The following ROBO2 variants were observed in gnomAD, a reference collection of about 807,000 sequenced individuals.
ROBO2 encodes roundabout homolog 2.
ROBO2 carries 53 observed loss-of-function variants against 160.8 expected under a neutral mutation model. The observed-to-expected ratio is 0.33, with a 90% CI of 0.26 to 0.41. The LOEUF (loss-of-function observed/expected upper bound fraction) is 0.41. ROBO2 is among the 10% of genes least tolerant of loss of function. The pLI is 1.00. For synonymous variants in ROBO2, 664 were observed against 611.7 expected (o/e 1.09, Z -1.26); for missense variants, 1,577 against 1,722.4 (o/e 0.92, Z 1.49).
chr3:76,139,937 T>C (rs1415948800), intron 2 of ROBO2, among the ~76,000 whole-genome samples: 1 of 152,096 alleles, frequency 6.6e-6, no homozygotes, highest in African/African-American at 2.4e-5. Flanking sequence ...CATCACTGAT[T>C]CTTCTTCGTA....
chr3:77,240,513 A>G (rs1254270214), intron 2 of ROBO2, among the ~76,000 whole-genome samples: 1 of 152,132 alleles, frequency 6.6e-6, no homozygotes, highest in Admixed American at 6.5e-5. Context: ...AGCCTCGGCC[A>G]GCCCAGAGAG....
intron 2 of ROBO2, among the ~76,000 whole-genome samples, chr3:77,265,910 A>G (rs899824673): frequency 1.5e-4 from 23 of 152,184 alleles, no homozygotes; most frequent in Admixed American, 1.3e-4. Context: ...GGTTTATGGG[A>G]ATCCAAGTTT....
At chr3:75,957,515 T>G (rs1203146349) in intron 2 of ROBO2, among the ~76,000 whole-genome samples, 4 of 148,930 alleles carry the variant, frequency 2.7e-5, no homozygotes, top group Admixed American at 6.7e-5. Context: ...AATAGAAGGT[T>G]TTTTTTTTTT....
chr3:77,596,868 T>C, intron 19 of ROBO2, 118 bp downstream of exon 20: 1 of 1,189,948 alleles, frequency 8.4e-7, no homozygotes, highest in South Asian at 1.3e-5. Context: ...ATAATTAAAA[T>C]CAATGAAACA....
intron 5 of ROBO2, among the ~76,000 whole-genome samples, chr3:77,521,364 A>G (rs1446881618): frequency 1.3e-5 from 2 of 151,252 alleles, no homozygotes; most frequent in African/African-American, 2.4e-5. Context: ...CAGTGAGTGA[A>G]GCAGACAAGA....
chr3:76,063,976 T>A, intron 2 of ROBO2, among the ~76,000 whole-genome samples: 1 of 152,184 alleles, frequency 6.6e-6, no homozygotes, highest in East Asian at 1.9e-4. Context: ...GCCATATGGC[T>A]AGGATCTGAA....
intron 2 of ROBO2, among the ~76,000 whole-genome samples, chr3:77,427,997 T>C (rs2078377768): frequency 6.6e-6 from 1 of 152,202 alleles, no homozygotes; most frequent in Non-Finnish European, 1.5e-5. Context: ...ATTAAAAATG[T>C]GGCATTTATC....
intron 2 of ROBO2, among the ~76,000 whole-genome samples, chr3:76,015,586 A>G (rs1364252062): frequency 6.6e-6 from 1 of 152,214 alleles, no homozygotes; most frequent in African/African-American, 2.4e-5. Context: ...AAGATAGCAA[A>G]TTTCTTATGT....
At chr3:77,001,337 A>G (rs529247624) in intron 2 of ROBO2, among the ~76,000 whole-genome samples, 1 of 152,290 alleles carries the variant, frequency 6.6e-6, no homozygotes, top group East Asian at 1.9e-4. Flanking sequence ...AATGTGTGGC[A>G]TTCTTCTGGT....
chr3:77,016,134 G>A (rs1411653895), intron 2 of ROBO2, among the ~76,000 whole-genome samples: 2 of 151,828 alleles, frequency 1.3e-5, no homozygotes, highest in Non-Finnish European at 2.9e-5. Context: ...CCGCCACCAC[G>A]CCTGGCTAAT....
chr3:76,809,159 A>G (rs953502881), intron 2 of ROBO2, among the ~76,000 whole-genome samples: 5 of 152,170 alleles, frequency 3.3e-5, no homozygotes, highest in Admixed American at 3.3e-4. Context: ...CTGTGGGTCA[A>G]TAATCCAAGC....
intron 2 of ROBO2, among the ~76,000 whole-genome samples, chr3:76,125,972 G>T (rs567199461): frequency 6.6e-6 from 1 of 151,968 alleles, no homozygotes; most frequent in African/African-American, 2.4e-5. Context: ...GATGACAGGC[G>T]CGTGCCACCA....
chr3:76,105,391 A>G (rs1225936147), intron 2 of ROBO2, among the ~76,000 whole-genome samples: 1 of 152,160 alleles, frequency 6.6e-6, no homozygotes, highest in Non-Finnish European at 1.5e-5. Flanking sequence ...GAAATGGAAC[A>G]TGTTGAACTG....
intron 2 of ROBO2, among the ~76,000 whole-genome samples, chr3:76,810,083 A>G (rs1146006): frequency 0.23 from 34,361 of 151,998 alleles, 4,077 homozygotes; most frequent in South Asian, 0.34. Flanking sequence ...TGAGTTATTG[A>G]GCCTAGGAGA....
At chr3:76,110,886 CA>C (rs1559559832) in intron 2 of ROBO2, among the ~76,000 whole-genome samples, 1 of 152,108 alleles carries the variant, frequency 6.6e-6, no homozygotes, top group African/African-American at 2.4e-5. Flanking sequence ...CTTACTTTAG[CA>C]AACAGGAAAA....
intron 20 of ROBO2, among the ~76,000 whole-genome samples, chr3:77,605,271 G>C (rs114265184): frequency 0.014 from 2,091 of 151,630 alleles, 25 homozygotes; most frequent in Admixed American, 0.021. Flanking sequence ...TCCCTTAAAA[G>C]ATAATATAAG....
At chr3:76,866,437 C>T (rs1232980339) in intron 2 of ROBO2, among the ~76,000 whole-genome samples, 1 of 151,902 alleles carries the variant, frequency 6.6e-6, no homozygotes, top group Admixed American at 6.6e-5. Flanking sequence ...AGCTTTATTT[C>T]ATCATCATCA....
At chr3:76,252,354 T>G (rs1559685812) in intron 2 of ROBO2, among the ~76,000 whole-genome samples, 1 of 152,100 alleles carries the variant, frequency 6.6e-6, no homozygotes, top group East Asian at 1.9e-4. Context: ...CTACTCAATG[T>G]ATTTGACGTA....
intron 2 of ROBO2, among the ~76,000 whole-genome samples, chr3:76,622,261 A>AGAAAGAAAGAAAGAAAGAAG (rs2089239047): frequency 7.7e-5 from 5 of 64,996 alleles, no homozygotes; most frequent in East Asian, 1.1e-3. Context: ...AAAGAAAGAA[A>AGAAAGAAAGAAAGAAAGAAG]GAAAGAAAGA....
Sources: gnomAD v4.1 joint callset for allele counts (sites outside exome capture counted in the v4.1 genomes callset) on GRCh38, gnomAD v4.1.1 for gene constraint, MANE v1.5 for transcripts, NCBI Gene and HGNC (gene_info 2026-07-23, HGNC 2026-07-21) for gene names.